The following OPA3 variants were observed in gnomAD, a reference collection of about 807,000 sequenced individuals.
OPA3 encodes the protein optic atrophy 3 protein.
A neutral mutation model predicts 4.0 loss-of-function variants in OPA3; 6 were observed. That is an observed-to-expected ratio of 1.51 (90% confidence interval 0.83 to 2.99). The LOEUF (loss-of-function observed/expected upper bound fraction) is 2.99. Ranked by LOEUF, OPA3 falls within the 30% of genes most tolerant of loss-of-function variation. The pLI, the probability that OPA3 is intolerant of heterozygous loss-of-function variation, is 0.00. For missense variants in OPA3, 235 were observed against 256.2 expected, an observed-to-expected ratio of 0.92 and a Z score of 0.56; for synonymous variants, 105 against 117.1, an observed-to-expected ratio of 0.90 and a Z score of 0.67.
chr19:45,564,698 C>CA (rs1969556828), intron 1 of OPA3, among the ~76,000 whole-genome samples: 1 of 152,192 alleles, frequency 6.6e-6, no homozygotes, highest in Admixed American at 6.5e-5. Context: ...CAGTGGCTCC[C>CA]AGACCCCTGC....
At chr19:45,555,324 G>A (rs1051795560) in intron 1 of OPA3, among the ~76,000 whole-genome samples, 1 of 152,140 alleles carries the variant, frequency 6.6e-6, no homozygotes, top group South Asian at 2.1e-4. Context: ...GACTGAAAAA[G>A]AAGAGCTTGT....
chr19:45,530,956 T>TTTTTTTTC (rs1969054386), intron 1 of OPA3, among the ~76,000 whole-genome samples: 1 of 111,930 alleles, frequency 8.9e-6, no homozygotes, highest in African/African-American at 3.5e-5. Flanking sequence ...TTTTTTTTTT[T>TTTTTTTTC]TTTTTTGCAT....
intron 1 of OPA3, among the ~76,000 whole-genome samples, chr19:45,561,707 G>A (rs781052080): frequency 4.6e-5 from 7 of 151,940 alleles, no homozygotes; most frequent in Non-Finnish European, 8.8e-5. Flanking sequence ...TTGGGAGGCC[G>A]AGGCGGGCAG....
chr19:45,533,010 G>C (rs971423081), intron 1 of OPA3, among the ~76,000 whole-genome samples: 2 of 151,760 alleles, frequency 1.3e-5, no homozygotes, highest in Non-Finnish European at 2.9e-5. Context: ...TCCTGCCTCA[G>C]CCTCCCGAGT....
intron 1 of OPA3, among the ~76,000 whole-genome samples, chr19:45,529,800 A>G (rs7252959): frequency 0.76 from 115,671 of 152,066 alleles, 44,227 homozygotes; most frequent in African/African-American, 0.83. Flanking sequence ...CCGAAATCAC[A>G]GCTTACTGCA....
rs753632531 is a variant in OPA3, at chr19:45,584,671, G to T, written c.94C>A (p.Arg32Ser). Residue 32 changes from arginine (R) to serine (S), a missense_variant, in exon 1 of 2, where the codon CGC (arginine) becomes AGC (serine). Transcript: ENST00000263275. Reference sequence around the variant, plus strand: ...TAGGTCTTGAAGAACTCGCTTCGGCGGGCGGCCTCCTTAATACGGTTGGCA... The same window carrying T: ...TAGGTCTTGAAGAACTCGCTTCGGCTGGCGGCCTCCTTAATACGGTTGGCA... ...PLANRIKEAA[R>S]RSEFFKTYIC... is the part of the protein sequence containing the mutation. The T allele has an allele frequency of 8.7e-6, 14 of 1,614,086 alleles. No homozygotes were observed. Among genetic ancestry groups the T allele is most frequent in the Non-Finnish European group, 8.5e-6 (10 of 1,180,046 alleles).
At chr19:45,544,444 G>C (rs941808203), downstream of OPA3, among the ~76,000 whole-genome samples, 1 of 152,224 alleles carries the variant, frequency 6.6e-6, no homozygotes, top group Non-Finnish European at 1.5e-5. Flanking sequence ...CAGATCACCT[G>C]AGGTCGGGAG....
At chr19:45,572,095 G>GTGTA (rs936469477) in intron 1 of OPA3, among the ~76,000 whole-genome samples, 1 of 122,658 alleles carries the variant, frequency 8.2e-6, no homozygotes, top group Non-Finnish European at 1.9e-5. Context: ...TTTTCATGTG[G>GTGTA]TGTATATATA....
intron 1 of OPA3, among the ~76,000 whole-genome samples, chr19:45,559,354 T>C (rs1467792461): frequency 6.6e-6 from 1 of 151,528 alleles, no homozygotes; most frequent in East Asian, 1.9e-4. Context: ...TTTCTTTTCT[T>C]TTCTTTCTTT....
chr19:45,553,503 C>A lies in OPA3; in HGVS notation c.*11G>T, dbSNP rs1302975195. ...GGCCATGTCCAAATTCAGGTTCCAT[C>A]CAGCAAGCTCCTATTTCTTGGACGC... On this transcript the variant is annotated 3_prime_UTR_variant, in exon 2 of 2. Transcript: ENST00000263275. 1.9e-6 allele frequency: 3 copies of A among 1,612,628 alleles called. No homozygotes were observed. The African/African-American group carries it at 4.0e-5, about 22-fold the overall frequency.
chr19:45,557,842 G>A (rs10413001), intron 1 of OPA3, among the ~76,000 whole-genome samples: 2,352 of 152,272 alleles, frequency 0.015, 47 homozygotes, highest in African/African-American at 0.053. Flanking sequence ...TCACAAGGGT[G>A]GGGCCCAGGG....
At chr19:45,572,506 TATC>T (rs1969691257) in intron 1 of OPA3, among the ~76,000 whole-genome samples, 5 of 115,526 alleles carry the variant, frequency 4.3e-5, no homozygotes, top group African/African-American at 1.4e-4. Flanking sequence ...ATGAGATATA[TATC>T]ATATATGAGA....
rs1047634910 is a variant in OPA3 at position 45,549,205 on chromosome 19, A to G, written c.*4309T>C. 3 of 985,404 alleles carry G rather than the reference A, an allele frequency of 3.0e-6. No individual in the cohort carries two copies. Among genetic ancestry groups the G allele is most frequent in the Middle Eastern group, 5.2e-4 (1 of 1,914 alleles). 61.0% of individuals were successfully genotyped at this position (985,404 alleles called of 1,614,324 possible). A position where few individuals can be genotyped will look rare whatever the true frequency, so the allele number is the denominator to read the frequency against. ...CCCCTCTCCCCAAATTACAAGGTAC[A>G]CAGAATTCTAGCTAGCAGAACACAC... On this transcript the variant is annotated 3_prime_UTR_variant, in exon 2 of 2. Coordinates refer to ENST00000263275, the MANE Select transcript of OPA3 (RefSeq NM_025136.4).
rs868102539 is a variant in OPA3, at chr19:45,553,094, T to C, written c.*420A>G. 19 of 1,121,984 alleles carry C rather than the reference T, an allele frequency of 1.7e-5. No homozygotes were observed. In the Admixed American group the frequency reaches 3.7e-4, roughly 22 times the overall value. 69.5% of individuals were successfully genotyped at this position (1,121,984 alleles called of 1,614,324 possible). A position where few individuals can be genotyped will look rare whatever the true frequency, so the allele number is the denominator to read the frequency against. ...ATTTCCTTACAGTGGTCTGTGCCGATTGACAAAAAGAAGAAGGTGTTCCAG... is the reference window on the plus strand; with the variant it reads ...ATTTCCTTACAGTGGTCTGTGCCGACTGACAAAAAGAAGAAGGTGTTCCAG... On this transcript the variant is annotated 3_prime_UTR_variant, in exon 2 of 2. Transcript: ENST00000263275.
chr19:45,529,679 T>C (rs1283094802), intron 1 of OPA3, among the ~76,000 whole-genome samples: 1 of 152,246 alleles, frequency 6.6e-6, no homozygotes, highest in African/African-American at 2.4e-5. Context: ...AGGTGGAGTG[T>C]CAGCTTTTGC....
intron 1 of OPA3, among the ~76,000 whole-genome samples, chr19:45,540,636 C>T (rs1304404445): frequency 6.7e-6 from 1 of 150,184 alleles, no homozygotes; most frequent in South Asian, 2.1e-4. Context: ...GAGGCTGAGG[C>T]GGGCGGATCA....
In OPA3 at chr19:45,549,421, A is replaced by G; in HGVS notation, c.*4093T>C. The G allele has an allele frequency of 1.0e-6, 1 of 984,860 alleles. No homozygotes were observed. Among genetic ancestry groups the G allele is most frequent in the African/African-American group, 1.7e-5 (1 of 57,186 alleles). 61.0% of individuals were successfully genotyped at this position (984,860 alleles called of 1,614,324 possible). A position where few individuals can be genotyped will look rare whatever the true frequency, so the allele number is the denominator to read the frequency against. ...CTCTGAGATGTGAGAGCAGCACTCCATCTGGGTCAGGACAGCGCTGGGGTC... is the reference window on the plus strand; with the variant it reads ...CTCTGAGATGTGAGAGCAGCACTCCGTCTGGGTCAGGACAGCGCTGGGGTC... On this transcript the variant is annotated 3_prime_UTR_variant, in exon 2 of 2. Transcript: ENST00000263275.
At chr19:45,576,222 C>CA in intron 1 of OPA3, among the ~76,000 whole-genome samples, 1 of 150,712 alleles carries the variant, frequency 6.6e-6, no homozygotes, top group Non-Finnish European at 1.5e-5. Context: ...GACCCCCTCT[C>CA]AAAAAACAAA....
Position 45,553,857 on chromosome 19 carries a change from G to A in OPA3, c.197C>T (p.Thr66Met), listed in dbSNP as rs753129998. 6.2e-6 allele frequency: 10 copies of A among 1,611,732 alleles called. No homozygotes were observed. The highest frequency in any genetic ancestry group is 2.2e-5 in the South Asian group (2 of 91,004). ...TKMRIMGFRG[T>M]VIKPLNEEAA... ...CTCCTCGTTCAGCGGCTTGATGACC[G>A]TGCCCCGGAAGCCCATGATGCGCAT... Residue 66 changes from threonine (T) to methionine (M), a missense_variant, in exon 2 of 2, where the codon ACG becomes ATG. Coordinates refer to ENST00000263275, the MANE Select transcript of OPA3 (RefSeq NM_025136.4).
Sources: allele counts gnomAD v4.1 joint callset (sites outside exome capture counted in the v4.1 genomes callset), GRCh38; gene constraint gnomAD v4.1.1; transcripts MANE v1.5; gene names NCBI Gene and HGNC (gene_info 2026-07-23, HGNC 2026-07-21).